The following SYT1 variants were observed in gnomAD, a reference collection of about 807,000 sequenced individuals.
SYT1 encodes the protein synaptotagmin-1.
In SYT1, 8 loss-of-function variants were observed where a neutral mutation model predicts 44.8. The ratio of observed to expected loss-of-function variants is 0.18; its 90% CI spans 0.10 to 0.32. The LOEUF is 0.32. Among genes scored for constraint, SYT1 ranks in the 10% least tolerant of loss-of-function variants. The pLI is 1.00. For synonymous variants in SYT1, 154 were observed against 188.8 expected, an observed-to-expected ratio of 0.82 and a Z score of 1.51; for missense variants, 286 against 509.3, an observed-to-expected ratio of 0.56 and a Z score of 4.22.
At chr12:79,059,031 A>G (rs1875173792) in intron 3 of SYT1, among the ~76,000 whole-genome samples, 1 of 152,088 alleles carries the variant, frequency 6.6e-6, no homozygotes, top group Admixed American at 6.6e-5. Flanking sequence ...ATTGACTCAC[A>G]GTTCCACATA....
intron 1 of SYT1, among the ~76,000 whole-genome samples, chr12:78,937,313 T>C (rs1878115752): frequency 6.6e-6 from 1 of 152,100 alleles, no homozygotes; most frequent in African/African-American, 2.4e-5. Context: ...ATGCTTTGGG[T>C]ACTCTCCTTT....
At chr12:79,322,916 A>G (rs993684743) in intron 8 of SYT1, among the ~76,000 whole-genome samples, 2 of 152,192 alleles carry the variant, frequency 1.3e-5, no homozygotes, top group Admixed American at 1.3e-4. Context: ...ATCTGAAAGA[A>G]CCAACTTCTT....
chr12:79,251,528 A>G (rs1184363208), intron 4 of SYT1, among the ~76,000 whole-genome samples: 1 of 152,202 alleles, frequency 6.6e-6, no homozygotes. Flanking sequence ...TAGTCTTCCC[A>G]TAAAGAGTAA....
intron 9 of SYT1, among the ~76,000 whole-genome samples, chr12:79,410,519 A>C (rs1193686760): frequency 6.6e-6 from 1 of 151,616 alleles, no homozygotes; most frequent in African/African-American, 2.4e-5. Flanking sequence ...AAAAAAAAAA[A>C]AAAAAAAAAC....
chr12:79,428,535 C>T (rs1869583003), intron 9 of SYT1, among the ~76,000 whole-genome samples: 1 of 152,168 alleles, frequency 6.6e-6, no homozygotes, highest in Non-Finnish European at 1.5e-5. Flanking sequence ...GTGAATAGCA[C>T]TTGTACATAC....
At chr12:78,899,567 G>A (rs1875546343) in intron 1 of SYT1, among the ~76,000 whole-genome samples, 1 of 151,784 alleles carries the variant, frequency 6.6e-6, no homozygotes, top group South Asian at 2.1e-4. Flanking sequence ...CTATTTAAAA[G>A]TTTCTAAAAT....
intron 4 of SYT1, among the ~76,000 whole-genome samples, chr12:79,246,768 G>A (rs1469122150): frequency 6.6e-6 from 1 of 152,150 alleles, no homozygotes; most frequent in Non-Finnish European, 1.5e-5. Flanking sequence ...AATTTTGGGG[G>A]ACACATTCAG....
In SYT1 at chr12:78,931,394, AAGG is replaced by A. The variant is rs1565723984; in HGVS notation, c.-216-46404_-216-46402del. 5.7e-4 allele frequency among the ~76,000 whole-genome samples: 63 copies of A among 110,362 alleles called. 1 individual carries two copies. Among genetic ancestry groups the A allele is most frequent in the African/African-American group, 1.8e-3 (53 of 28,768 alleles). The allele number at this position is 110,362 out of a possible 152,430, so 72.4% of individuals were successfully genotyped here. A position where few individuals can be genotyped will look rare whatever the true frequency, so the allele number is the denominator to read the frequency against. ...GAAGGAAGGAAGGAAGGAAGGAAGG[AAGG>A]GAGGAGAGAGGAAGGAAGGAAGGAA... On this transcript the variant is annotated intron_variant, in intron 1 of 10. Coordinates refer to ENST00000261205, the MANE Select transcript of SYT1 (RefSeq NM_005639.3).
chr12:78,907,664 GA>G (rs1244221115), intron 1 of SYT1, among the ~76,000 whole-genome samples: 3 of 151,962 alleles, frequency 2.0e-5, no homozygotes, highest in African/African-American at 7.2e-5. Flanking sequence ...TGAGCTGTCT[GA>G]AACCAAAATA....
intron 8 of SYT1, among the ~76,000 whole-genome samples, chr12:79,316,208 T>C (rs1465832302): frequency 1.3e-5 from 2 of 152,216 alleles, no homozygotes; most frequent in African/African-American, 2.4e-5. Flanking sequence ...ACTTCTGTTC[T>C]GATTTTTCTT....
chr12:79,114,081 A>G (rs1431179855), intron 3 of SYT1, among the ~76,000 whole-genome samples: 2 of 152,130 alleles, frequency 1.3e-5, no homozygotes, highest in Non-Finnish European at 2.9e-5. Flanking sequence ...AAAGACAAGG[A>G]AAGAGCCTGA....
intron 1 of SYT1, among the ~76,000 whole-genome samples, chr12:78,940,430 C>T (rs1051864183): frequency 6.6e-6 from 1 of 152,172 alleles, no homozygotes; most frequent in Non-Finnish European, 1.5e-5. Context: ...TTGCCTATTG[C>T]CCAGTCTACA....
chr12:79,081,141 T>A (rs563887518), intron 3 of SYT1, among the ~76,000 whole-genome samples: 10 of 152,274 alleles, frequency 6.6e-5, no homozygotes, highest in Admixed American at 6.5e-4. Context: ...AAGAGCTATA[T>A]GTTATATCAA....
In SYT1 at chr12:79,340,353, T is replaced by A. The variant is rs535853889; in HGVS notation, c.811-13149T>A. Among the ~76,000 whole-genome samples the A allele has an allele frequency of 3.3e-5, 5 of 152,332 alleles. No homozygotes were observed. In the East Asian group the frequency reaches 9.6e-4, roughly 29 times the overall value. On this transcript the variant is annotated intron_variant, in intron 8 of 10. Coordinates refer to ENST00000261205, the MANE Select transcript of SYT1 (RefSeq NM_005639.3). ...TGTCCTCTTTTATTTCCTTGAGCAG[T>A]GGTTTGTAGTTCTCCTTGAAGAGGT...
At chr12:78,932,723 G>A (rs1305833624) in intron 1 of SYT1, among the ~76,000 whole-genome samples, 1 of 151,744 alleles carries the variant, frequency 6.6e-6, no homozygotes, top group South Asian at 2.1e-4. Flanking sequence ...CAAACTCTTC[G>A]AGAACTCATT....
chr12:79,389,255 T>C (rs1884560881), intron 9 of SYT1, among the ~76,000 whole-genome samples: 1 of 152,200 alleles, frequency 6.6e-6, no homozygotes. Flanking sequence ...AAACATATGT[T>C]AGCCGTAATT....
intron 10 of SYT1, among the ~76,000 whole-genome samples, chr12:79,445,904 A>G (rs1870682347): frequency 6.9e-6 from 1 of 144,336 alleles, no homozygotes; most frequent in Admixed American, 7.1e-5. Context: ...TTATATATAT[A>G]ATAAGTATAG....
At chr12:78,924,130 T>G (rs1157510356) in intron 1 of SYT1, among the ~76,000 whole-genome samples, 1 of 151,932 alleles carries the variant, frequency 6.6e-6, no homozygotes, top group African/African-American at 2.4e-5. Flanking sequence ...GCACTTTTGG[T>G]GGCAATACCA....
intron 1 of SYT1, among the ~76,000 whole-genome samples, chr12:78,965,738 C>G (rs1008703022): frequency 6.6e-5 from 10 of 152,052 alleles, no homozygotes; most frequent in African/African-American, 2.4e-4. Context: ...GTGATACTCT[C>G]TCATCAAAGA....
Sources: allele counts gnomAD v4.1 joint callset (sites outside exome capture counted in the v4.1 genomes callset), GRCh38; gene constraint gnomAD v4.1.1; transcripts MANE v1.5; gene names NCBI Gene and HGNC (gene_info 2026-07-23, HGNC 2026-07-21).